Variants in ATP8A2 observed in about 807,000 individuals in gnomAD.
ATP8A2 encodes ATPase phospholipid transporting 8A2.
Under a neutral mutation model 165.6 loss-of-function variants are expected in ATP8A2, and 100 were observed. The ratio of observed to expected loss-of-function variants is 0.60; its 90% CI spans 0.51 to 0.71. The LOEUF (loss-of-function observed/expected upper bound fraction) is 0.71. ATP8A2 is among the 30% of genes least tolerant of loss of function. ATP8A2 has a pLI of 0.00. For missense variants in ATP8A2, 1,227 were observed against 1,479.5 expected (o/e 0.83, Z 2.80); for synonymous variants, 543 against 548.8 (o/e 0.99, Z 0.15).
intron 35 of ATP8A2, among the ~76,000 whole-genome samples, chr13:25,987,357 A>G (rs977089156): frequency 6.6e-6 from 1 of 152,242 alleles, no homozygotes; most frequent in Non-Finnish European, 1.5e-5. Context: ...AACAAGCAAC[A>G]ATGCAGCCAG....
intron 24 of ATP8A2, among the ~76,000 whole-genome samples, chr13:25,611,903 AG>A (rs1338485899): frequency 1.3e-5 from 2 of 151,918 alleles, no homozygotes; most frequent in African/African-American, 4.8e-5. Flanking sequence ...ATCTCCTCTA[AG>A]TTTTCCAGTT....
chr13:25,525,358 A>G (rs1439450798), intron 2 of ATP8A2, among the ~76,000 whole-genome samples: 2 of 152,128 alleles, frequency 1.3e-5, no homozygotes, highest in African/African-American at 4.8e-5. Flanking sequence ...ACAGTATTAG[A>G]GTATTCTGGG....
At chr13:25,501,168 T>G (rs1204714199) in intron 2 of ATP8A2, among the ~76,000 whole-genome samples, 1 of 152,024 alleles carries the variant, frequency 6.6e-6, no homozygotes, top group Admixed American at 6.6e-5. Flanking sequence ...TTTAATCGAG[T>G]ATGGTAAGAC....
In ATP8A2 at chr13:25,469,151, G is replaced by A. The variant is rs533200780; in HGVS notation, c.221+30G>A. On this transcript the variant is annotated intron_variant, in intron 2 of 36. Transcript: ENST00000381655. ...GAGAAGGCGGCCGGCTCGCGCGGAA[G>A]GCGGTGGAGTCACAGCTGGGAAGGG... is the stretch of plus-strand genomic sequence containing the variant. 2.5e-6 allele frequency: 4 copies of A among 1,610,638 alleles called. No individual in the cohort carries two copies. In the Admixed American group the frequency reaches 5.0e-5, roughly 20 times the overall value.
intron 35 of ATP8A2, among the ~76,000 whole-genome samples, chr13:25,992,382 T>G (rs1229489034): frequency 1.3e-5 from 2 of 152,146 alleles, no homozygotes; most frequent in Non-Finnish European, 2.9e-5. Context: ...TCATGGCCTT[T>G]GACCATTTTC....
chr13:25,907,913 A>G (rs1310303629), intron 33 of ATP8A2, among the ~76,000 whole-genome samples: 1 of 152,142 alleles, frequency 6.6e-6, no homozygotes, highest in Non-Finnish European at 1.5e-5. Flanking sequence ...GATACAGCCA[A>G]CTCTACGAGG....
intron 20 of ATP8A2, among the ~76,000 whole-genome samples, chr13:25,577,757 C>A (rs1199905772): frequency 1.3e-5 from 2 of 152,042 alleles, no homozygotes; most frequent in African/African-American, 2.4e-5. Flanking sequence ...AAATTTTAGT[C>A]TTATGTATCG....
intron 1 of ATP8A2, among the ~76,000 whole-genome samples, chr13:25,436,865 C>T (rs2034793723): frequency 6.6e-6 from 1 of 151,952 alleles, no homozygotes. Flanking sequence ...CAGCCTCGGC[C>T]TCTCAGGGTT....
intron 24 of ATP8A2, among the ~76,000 whole-genome samples, chr13:25,627,662 G>C (rs1028464527): frequency 2.0e-5 from 3 of 152,136 alleles, no homozygotes; most frequent in Admixed American, 6.6e-5. Context: ...CCATAACTTT[G>C]AGAAATAAAT....
At chr13:25,857,361 A>G (rs1424856946) in intron 30 of ATP8A2, among the ~76,000 whole-genome samples, 2 of 151,938 alleles carry the variant, frequency 1.3e-5, no homozygotes, top group South Asian at 2.1e-4. Flanking sequence ...ACTCTACCTT[A>G]TAGCTCCTGT....
intron 27 of ATP8A2, among the ~76,000 whole-genome samples, chr13:25,794,529 G>C (rs1950456720): frequency 6.6e-6 from 1 of 152,068 alleles, no homozygotes; most frequent in African/African-American, 2.4e-5. Flanking sequence ...AGGGTCTTTG[G>C]GTGGAGGAAA....
At chr13:25,887,291 A>G (rs1276451068) in intron 33 of ATP8A2, among the ~76,000 whole-genome samples, 2 of 152,178 alleles carry the variant, frequency 1.3e-5, no homozygotes, top group African/African-American at 4.8e-5. Context: ...AAAAGTTTAC[A>G]CTAAAGGTAT....
intron 1 of ATP8A2, among the ~76,000 whole-genome samples, chr13:25,463,126 G>T (rs60239950): frequency 0.68 from 94,097 of 138,352 alleles, 32,429 homozygotes; most frequent in East Asian, 0.99. Context: ...TTTCTGAAGT[G>T]TTTTTTTTTT....
intron 1 of ATP8A2, among the ~76,000 whole-genome samples, chr13:25,419,418 G>A (rs571973697): frequency 2.0e-5 from 3 of 152,242 alleles, no homozygotes; most frequent in South Asian, 2.1e-4. Context: ...AAGCATACAC[G>A]TTTCATGTAA....
intron 1 of ATP8A2, among the ~76,000 whole-genome samples, chr13:25,462,236 T>G (rs1178672931): frequency 2.0e-5 from 3 of 152,028 alleles, no homozygotes; most frequent in Admixed American, 2.0e-4. Flanking sequence ...TGGAGTGAGG[T>G]CAGACTTTAC....
intron 35 of ATP8A2, among the ~76,000 whole-genome samples, chr13:25,993,021 T>C (rs1956426775): frequency 6.6e-6 from 1 of 150,888 alleles, no homozygotes; most frequent in African/African-American, 2.4e-5. Flanking sequence ...CATGAACTCA[T>C]CATTTTTTAT....
chr13:25,664,214 T>C (rs1242966166), intron 24 of ATP8A2, among the ~76,000 whole-genome samples: 3 of 152,220 alleles, frequency 2.0e-5, no homozygotes, highest in African/African-American at 7.2e-5. Flanking sequence ...ATAATGGCTG[T>C]GGTAATTTAC....
chr13:25,892,759 C>T (rs1013262558), intron 33 of ATP8A2, among the ~76,000 whole-genome samples: 4 of 151,734 alleles, frequency 2.6e-5, no homozygotes, highest in South Asian at 4.2e-4. Flanking sequence ...TATGGGGCCA[C>T]AGTTTGGGTC....
intron 33 of ATP8A2, among the ~76,000 whole-genome samples, chr13:25,919,263 T>C (rs1272956902): frequency 1.3e-5 from 2 of 152,146 alleles, no homozygotes; most frequent in South Asian, 2.1e-4. Flanking sequence ...GGGGAAAATA[T>C]AGACAAGGCC....
Sources: allele counts gnomAD v4.1 joint callset (sites outside exome capture counted in the v4.1 genomes callset), GRCh38; gene constraint gnomAD v4.1.1; transcripts MANE v1.5; gene names NCBI Gene and HGNC (gene_info 2026-07-23, HGNC 2026-07-21).